Variants in RBFOX1 observed in about 807,000 individuals in gnomAD.
RBFOX1 encodes RNA binding protein fox-1 homolog 1.
RBFOX1 carries 8 observed loss-of-function variants against 57.7 expected under a neutral mutation model. The ratio of observed to expected loss-of-function variants is 0.14; its 90% confidence interval spans 0.08 to 0.25. RBFOX1 has a LOEUF of 0.25. RBFOX1 is among the 10% of genes least tolerant of loss of function. The probability of loss-of-function intolerance (pLI) is 1.00; values close to 1 mark genes in which losing one functional copy is unlikely to be tolerated. For synonymous variants in RBFOX1, 326 were observed against 222.4 expected, an observed-to-expected ratio of 1.47 and a Z score of -4.15; for missense variants, 611 against 548.5, an observed-to-expected ratio of 1.11 and a Z score of -1.14.
At chr16:7,272,100 A>G (rs748318844) in intron 4 of RBFOX1, among the ~76,000 whole-genome samples, 7 of 152,204 alleles carry the variant, frequency 4.6e-5, no homozygotes, top group Non-Finnish European at 1.0e-4. Context: ...GGCGTTTGTA[A>G]GACCCCAAAT....
At chr16:5,705,211 A>G (rs1268700902) in intron 3 of RBFOX1, among the ~76,000 whole-genome samples, 1 of 152,086 alleles carries the variant, frequency 6.6e-6, no homozygotes, top group East Asian at 1.9e-4. Context: ...TATTCTTTCC[A>G]TCAGCACCAA....
At chr16:7,697,116 G>T (rs1389147995) in intron 14 of RBFOX1, among the ~76,000 whole-genome samples, 1 of 152,174 alleles carries the variant, frequency 6.6e-6, no homozygotes, top group Non-Finnish European at 1.5e-5. Flanking sequence ...ACTGCTTTGT[G>T]GAGACCAAAC....
At chr16:7,169,399 T>G (rs963933483) in intron 4 of RBFOX1, among the ~76,000 whole-genome samples, 12 of 152,198 alleles carry the variant, frequency 7.9e-5, no homozygotes, top group African/African-American at 2.9e-4. Flanking sequence ...GGTTGGGGGA[T>G]CCACTGTGCA....
intron 2 of RBFOX1, among the ~76,000 whole-genome samples, chr16:6,544,277 A>G (rs1237716408): frequency 6.6e-6 from 1 of 152,186 alleles, no homozygotes; most frequent in Non-Finnish European, 1.5e-5. Context: ...GTTGCAAGAA[A>G]TTAGCCTCAT....
At chr16:7,277,620 T>C (rs922739089) in intron 4 of RBFOX1, among the ~76,000 whole-genome samples, 1 of 152,106 alleles carries the variant, frequency 6.6e-6, no homozygotes, top group Non-Finnish European at 1.5e-5. Flanking sequence ...GCTCATTATT[T>C]CTTAGTCTCA....
chr16:6,544,221 C>G (rs372685652), intron 2 of RBFOX1, among the ~76,000 whole-genome samples: 1 of 152,170 alleles, frequency 6.6e-6, no homozygotes, highest in South Asian at 2.1e-4. Context: ...GGTACTTGGA[C>G]CACACTTGGT....
At chr16:5,917,258 A>G (rs1039782255) in intron 4 of RBFOX1, among the ~76,000 whole-genome samples, 4 of 152,192 alleles carry the variant, frequency 2.6e-5, no homozygotes, top group African/African-American at 7.2e-5. Context: ...GTTTTAAAAC[A>G]TGCCCATGGA....
At chr16:6,949,540 T>C (rs2080258310) in intron 3 of RBFOX1, among the ~76,000 whole-genome samples, 1 of 151,918 alleles carries the variant, frequency 6.6e-6, no homozygotes, top group Non-Finnish European at 1.5e-5. Flanking sequence ...CTCTCCCTGG[T>C]TTACTGATGA....
At chr16:6,709,399 G>T (rs1371828136) in intron 3 of RBFOX1, among the ~76,000 whole-genome samples, 1 of 152,144 alleles carries the variant, frequency 6.6e-6, no homozygotes, top group Non-Finnish European at 1.5e-5. Context: ...TTCTGTGGAA[G>T]AATTTGCATT....
intron 1 of RBFOX1, among the ~76,000 whole-genome samples, chr16:6,091,140 A>C (rs2096166494): frequency 6.6e-6 from 1 of 152,236 alleles, no homozygotes; most frequent in Non-Finnish European, 1.5e-5. Flanking sequence ...GCTGTGGAAC[A>C]TTAAAACTCA....
At chr16:6,286,410 C>T (rs945772183) in intron 1 of RBFOX1, among the ~76,000 whole-genome samples, 1 of 152,232 alleles carries the variant, frequency 6.6e-6, no homozygotes, top group Non-Finnish European at 1.5e-5. Flanking sequence ...CTGTGTCCTA[C>T]AGCCTGGCTA....
At chr16:7,246,702 A>G (rs2094315944) in intron 4 of RBFOX1, among the ~76,000 whole-genome samples, 1 of 149,058 alleles carries the variant, frequency 6.7e-6, no homozygotes, top group Non-Finnish European at 1.5e-5. Context: ...CCTTGGTAAA[A>G]CAGAACTCTT....
intron 2 of RBFOX1, among the ~76,000 whole-genome samples, chr16:5,542,896 A>G (rs1201287948): frequency 6.6e-6 from 1 of 152,170 alleles, no homozygotes; most frequent in African/African-American, 2.4e-5. Context: ...TTATTTTAAG[A>G]GCTGCTTATA....
At chr16:6,463,960 A>G (rs2094981036) in intron 2 of RBFOX1, among the ~76,000 whole-genome samples, 2 of 152,164 alleles carry the variant, frequency 1.3e-5, no homozygotes, top group Non-Finnish European at 2.9e-5. Flanking sequence ...AGCCACTAAG[A>G]AAAAATCAAA....
intron 1 of RBFOX1, among the ~76,000 whole-genome samples, chr16:6,103,392 G>A (rs2096338296): frequency 6.6e-6 from 1 of 152,052 alleles, no homozygotes; most frequent in East Asian, 1.9e-4. Flanking sequence ...TCTAACATAT[G>A]TCTGATGTAT....
At chr16:5,859,958 G>A (rs934541429) in intron 3 of RBFOX1, among the ~76,000 whole-genome samples, 6 of 152,312 alleles carry the variant, frequency 3.9e-5, no homozygotes, top group East Asian at 1.9e-4. Context: ...CTGGGCTCCC[G>A]TGGGACTGAT....
chr16:5,289,406 C>A (rs1244759788), intron 1 of RBFOX1: 2 of 319,386 alleles, frequency 6.3e-6, no homozygotes, highest in Non-Finnish European at 6.0e-6. Context: ...GTGCTGCCAT[C>A]ATACCGAGAT....
intron 2 of RBFOX1, among the ~76,000 whole-genome samples, chr16:6,354,922 A>G (rs1165516326): frequency 6.6e-6 from 1 of 152,162 alleles, no homozygotes; most frequent in Non-Finnish European, 1.5e-5. Flanking sequence ...GTGTTCACAT[A>G]AGGAGACCCA....
intron 3 of RBFOX1, among the ~76,000 whole-genome samples, chr16:6,778,108 T>A (rs8045694): frequency 0.65 from 98,292 of 151,926 alleles, 32,015 homozygotes; most frequent in Admixed American, 0.7. Context: ...CTGTTGCGAA[T>A]ACATGATCTG....
Sources: allele counts gnomAD v4.1 joint callset (sites outside exome capture counted in the v4.1 genomes callset), GRCh38; gene constraint gnomAD v4.1.1; transcripts MANE v1.5; gene names NCBI Gene and HGNC (gene_info 2026-07-23, HGNC 2026-07-21).